The following BCAS3 variants were observed in gnomAD, a reference collection of about 807,000 sequenced individuals.
BCAS3 encodes the protein BCAS3 microtubule associated cell migration factor.
BCAS3 carries 53 observed loss-of-function variants against 116.1 expected under a neutral mutation model. The ratio of observed to expected loss-of-function variants is 0.46; its 90% CI spans 0.37 to 0.57. BCAS3 has a LOEUF of 0.57. BCAS3 is among the 20% of genes least tolerant of loss of function. BCAS3 has a pLI of 0.00. For missense variants in BCAS3, 917 were observed against 1,165.4 expected, an observed-to-expected ratio of 0.79 and a Z score of 3.10; for synonymous variants, 391 against 408.2, an observed-to-expected ratio of 0.96 and a Z score of 0.51.
At chr17:60,936,998 A>C (rs1190278109) in intron 13 of BCAS3, among the ~76,000 whole-genome samples, 1 of 152,154 alleles carries the variant, frequency 6.6e-6, no homozygotes, top group African/African-American at 2.4e-5. Flanking sequence ...TTTAGGTCTA[A>C]CATGTAAGTC....
chr17:61,253,946 A>C (rs7207781), intron 22 of BCAS3, among the ~76,000 whole-genome samples: 14,351 of 151,998 alleles, frequency 0.094, 886 homozygotes, highest in African/African-American at 0.17. Context: ...CTCTTGTCTA[A>C]TTTACATATA....
In BCAS3 at chr17:61,007,926, A is replaced by T. The variant is rs1019280437; in HGVS notation, c.1487-7825A>T. Among the ~76,000 whole-genome samples, 2 of 152,130 alleles carry T rather than the reference A, an allele frequency of 1.3e-5. No individual in the cohort carries two copies. Among genetic ancestry groups the T allele is most frequent in the Non-Finnish European group, 2.9e-5 (2 of 67,998 alleles). ...CATCGATTGCCTCCAAAAAAAAGTT[A>T]TAGGCAAAATGAATCAGTGCCCACA... On this transcript the variant is annotated intron_variant, in intron 15 of 23. Transcript: ENST00000407086. The surrounding 1 kb of genome is among the most constrained non-coding windows in gnomAD (Gnocchi z 4.3).
At chr17:60,938,715 TAGA>T (rs2060070706) in intron 13 of BCAS3, among the ~76,000 whole-genome samples, 1 of 134,368 alleles carries the variant, frequency 7.4e-6, no homozygotes, top group Non-Finnish European at 1.6e-5. Flanking sequence ...TGATAGAAGA[TAGA>T]TAGATAGATA....
chr17:60,832,319 T>C (rs760224274), intron 7 of BCAS3, among the ~76,000 whole-genome samples: 5 of 152,162 alleles, frequency 3.3e-5, no homozygotes, highest in Non-Finnish European at 5.9e-5. Flanking sequence ...TGCTAATGCC[T>C]GCAGCGGGCT....
intron 2 of BCAS3, among the ~76,000 whole-genome samples, chr17:60,682,152 A>G (rs1202678343): frequency 6.6e-6 from 1 of 152,206 alleles, no homozygotes; most frequent in Admixed American, 6.5e-5. Context: ...GGAGAGTGAC[A>G]AAGGAGAATA....
chr17:61,203,306 C>T lies in BCAS3; in HGVS notation c.2425+118742C>T, dbSNP rs958404433. 1.1e-4 allele frequency among the ~76,000 whole-genome samples: 16 copies of T among 152,016 alleles called. No homozygotes were observed. The highest frequency in any genetic ancestry group is 3.9e-4 in the Admixed American group (6 of 15,256). On this transcript the variant is annotated intron_variant, in intron 22 of 23. Transcript: ENST00000407086. The surrounding 1 kb of genome is among the most constrained non-coding windows in gnomAD (Gnocchi z 5.7). Reference sequence around the variant, plus strand: ...CCGAGTTGCTGGGATTACAGGTGCCCGACACCACACCTGGCTAATTTTTGT... The same window carrying T: ...CCGAGTTGCTGGGATTACAGGTGCCTGACACCACACCTGGCTAATTTTTGT...
chr17:61,038,116 G>T lies in BCAS3; in HGVS notation c.1928+62G>T, dbSNP rs73324823. ...CATTAAGGTATAGAAGATTAAAAGCGTATAATTTGATAAGTTTTGACATGC... is the reference window on the plus strand; with the variant it reads ...CATTAAGGTATAGAAGATTAAAAGCTTATAATTTGATAAGTTTTGACATGC... On this transcript the variant is annotated intron_variant, in intron 18 of 23. Coordinates refer to ENST00000407086, the MANE Select transcript of BCAS3 (RefSeq NM_017679.5). The T allele has an allele frequency of 3.4e-6, 5 of 1,464,510 alleles. No individual in the cohort carries two copies. The African/African-American group carries it at 5.7e-5, about 17-fold the overall frequency. 90.7% of individuals were successfully genotyped at this position (1,464,510 alleles called of 1,614,324 possible).
Position 61,348,520 on chromosome 17 carries a change from G to C in BCAS3, c.2426-19807G>C, listed in dbSNP as rs2057640011. ...GAGAAAGAAGAGAAGAGGACTGAGG[G>C]CACCAAAATTTGAGTTGCAGAGAGA... On this transcript the variant is annotated intron_variant, in intron 22 of 23. Transcript: ENST00000407086. The surrounding 1 kb of genome is among the most constrained non-coding windows in gnomAD (Gnocchi z 4.5). 6.6e-6 allele frequency among the ~76,000 whole-genome samples: 1 copy of C among 152,020 alleles called. No homozygotes were observed. Among genetic ancestry groups the C allele is most frequent in the Non-Finnish European group, 1.5e-5 (1 of 68,018 alleles).
intron 7 of BCAS3, among the ~76,000 whole-genome samples, chr17:60,823,538 T>G (rs540811505): frequency 1.3e-5 from 2 of 152,166 alleles, no homozygotes; most frequent in South Asian, 4.2e-4. Flanking sequence ...CGATCTAGCC[T>G]GGGTAACAGA....
chr17:60,699,372 G>GC (rs2036083416), intron 4 of BCAS3, among the ~76,000 whole-genome samples: 1 of 151,870 alleles, frequency 6.6e-6, no homozygotes, highest in Non-Finnish European at 1.5e-5. Context: ...GCACCATCAC[G>GC]CCCAGCTAAT....
intron 22 of BCAS3, among the ~76,000 whole-genome samples, chr17:61,267,596 G>T (rs1477059523): frequency 6.7e-6 from 1 of 149,006 alleles, no homozygotes; most frequent in Admixed American, 6.7e-5. Flanking sequence ...AATTAGCTGG[G>T]CATGGTGATG....
At chr17:61,288,928 A>C (rs11657378) in intron 22 of BCAS3, among the ~76,000 whole-genome samples, 71,016 of 152,082 alleles carry the variant, frequency 0.47, 20,104 homozygotes, top group East Asian at 0.71. Context: ...GAGCATGAAA[A>C]CATGCTCATA....
chr17:61,101,716 G>A (rs933824393), intron 22 of BCAS3, among the ~76,000 whole-genome samples: 5 of 151,920 alleles, frequency 3.3e-5, no homozygotes, highest in Admixed American at 2.6e-4. Flanking sequence ...CTTGACTTGT[G>A]TTTTCACATT....
chr17:60,900,960 G>A (rs1212591234), intron 10 of BCAS3, among the ~76,000 whole-genome samples: 2 of 152,028 alleles, frequency 1.3e-5, no homozygotes, highest in East Asian at 3.9e-4. Flanking sequence ...TGTAATCCTG[G>A]CACTTTGGGA....
chr17:61,107,789 A>T (rs1369305791), intron 22 of BCAS3, among the ~76,000 whole-genome samples: 2 of 152,182 alleles, frequency 1.3e-5, no homozygotes, highest in African/African-American at 2.4e-5. Flanking sequence ...TTTCCAGGTT[A>T]TGGCTATTTC....
chr17:61,253,571 C>T (rs534498952), intron 22 of BCAS3, among the ~76,000 whole-genome samples: 20 of 151,952 alleles, frequency 1.3e-4, no homozygotes, highest in Admixed American at 3.3e-4. Context: ...ACTTGGCCTA[C>T]GGCCTAGGCA....
chr17:60,749,811 AG>A (rs1305743799), intron 6 of BCAS3, among the ~76,000 whole-genome samples: 1 of 152,214 alleles, frequency 6.6e-6, no homozygotes, highest in Non-Finnish European at 1.5e-5. Flanking sequence ...ACATATAAAA[AG>A]AATTATACAT....
chr17:60,816,356 C>T (rs1429952916), intron 7 of BCAS3, among the ~76,000 whole-genome samples: 3 of 149,402 alleles, frequency 2.0e-5, no homozygotes, highest in Non-Finnish European at 4.4e-5. Context: ...CTCACGGCAA[C>T]CTCCACCTCC....
intron 5 of BCAS3, among the ~76,000 whole-genome samples, chr17:60,715,988 G>C (rs2038558113): frequency 6.6e-6 from 1 of 151,912 alleles, no homozygotes; most frequent in Non-Finnish European, 1.5e-5. Flanking sequence ...TCAGCCTCCT[G>C]AGTAGCTTGA....
Sources: gnomAD v4.1 joint callset for allele counts (sites outside exome capture counted in the v4.1 genomes callset) on GRCh38, gnomAD v4.1.1 for gene constraint, Gnocchi (gnomAD v3.1) non-coding constraint, MANE v1.5 for transcripts, NCBI Gene and HGNC (gene_info 2026-07-23, HGNC 2026-07-21) for gene names.